EPHA6: variants seen among roughly 807,000 people sequenced by gnomAD.
EPHA6 encodes ephrin type-A receptor 6.
Under a neutral mutation model 112.0 loss-of-function variants are expected in EPHA6, and 50 were observed. The ratio of observed to expected loss-of-function variants is 0.45; its 90% confidence interval spans 0.36 to 0.56. The LOEUF (loss-of-function observed/expected upper bound fraction) is 0.56, where lower values mean the gene tolerates loss of function less well. Among genes scored for constraint, EPHA6 ranks in the 20% least tolerant of loss-of-function variants. The pLI, the probability that EPHA6 is intolerant of heterozygous loss-of-function variation, is 0.00. For synonymous variants in EPHA6, 529 were observed against 490.7 expected (o/e 1.08, Z -1.03); for missense variants, 1,280 against 1,417.4 (o/e 0.90, Z 1.56).
chr3:97,689,933 T>G (rs1427152586), intron 14 of EPHA6, among the ~76,000 whole-genome samples: 1 of 152,216 alleles, frequency 6.6e-6, no homozygotes, highest in Non-Finnish European at 1.5e-5. Flanking sequence ...GTTTTCAAAG[T>G]TTGTCTGTAT....
At chr3:97,319,494 C>A (rs959815337) in intron 5 of EPHA6, among the ~76,000 whole-genome samples, 1 of 150,842 alleles carries the variant, frequency 6.6e-6, no homozygotes, top group Non-Finnish European at 1.5e-5. Flanking sequence ...ATGGTGAAAA[C>A]CCATCTCTAC....
At chr3:97,029,404 G>A (rs1341122573) in intron 3 of EPHA6, among the ~76,000 whole-genome samples, 1 of 151,506 alleles carries the variant, frequency 6.6e-6, no homozygotes, top group Non-Finnish European at 1.5e-5. Context: ...AGATAAATGA[G>A]GAAAAGGCCT....
intron 11 of EPHA6, among the ~76,000 whole-genome samples, chr3:97,558,033 T>G (rs2093137547): frequency 6.6e-6 from 1 of 151,990 alleles, no homozygotes; most frequent in South Asian, 2.1e-4. Context: ...GAGGGTTCCC[T>G]AAGCACAGGG....
intron 11 of EPHA6, among the ~76,000 whole-genome samples, chr3:97,591,077 T>TC (rs1343278524): frequency 6.6e-6 from 1 of 152,198 alleles, no homozygotes; most frequent in Non-Finnish European, 1.5e-5. Flanking sequence ...TTTAAGGGAC[T>TC]CCAGCTCTTC....
chr3:96,959,908 A>T (rs2041897628), intron 2 of EPHA6, among the ~76,000 whole-genome samples: 1 of 152,050 alleles, frequency 6.6e-6, no homozygotes, highest in Non-Finnish European at 1.5e-5. Context: ...TAGAATTGGG[A>T]TGAGTAGAGA....
intron 14 of EPHA6, among the ~76,000 whole-genome samples, chr3:97,656,877 G>A (rs149899041): frequency 3.9e-5 from 6 of 151,940 alleles, no homozygotes; most frequent in Admixed American, 3.9e-4. Context: ...ACTGTACCTA[G>A]TTTTGCTTCT....
At chr3:96,870,912 ATAG>A (rs1164467775) in intron 2 of EPHA6, among the ~76,000 whole-genome samples, 5 of 152,056 alleles carry the variant, frequency 3.3e-5, no homozygotes, top group Non-Finnish European at 2.9e-5. Context: ...GTAATTCATC[ATAG>A]TAGAAGATTT....
chr3:97,716,492 C>T (rs1381737289), intron 14 of EPHA6, among the ~76,000 whole-genome samples: 3 of 136,688 alleles, frequency 2.2e-5, no homozygotes, highest in South Asian at 2.3e-4. Flanking sequence ...GGCGTGAACC[C>T]GGGAAGCGGA....
chr3:97,108,066 C>A (rs921743598), intron 3 of EPHA6, among the ~76,000 whole-genome samples: 2 of 152,030 alleles, frequency 1.3e-5, no homozygotes, highest in African/African-American at 4.8e-5. Context: ...AGCAGGATAC[C>A]TTTTCTTATC....
rs2035922386 is a variant in EPHA6, at chr3:97,752,303, T to C, written c.*3602T>C. The C allele has an allele frequency of 4.5e-6, 1 of 223,952 alleles. No individual in the cohort carries two copies. The highest frequency in any genetic ancestry group is 1.8e-4 in the South Asian group (1 of 5,460). 13.9% of individuals were successfully genotyped at this position (223,952 alleles called of 1,614,324 possible). On this transcript the variant is annotated 3_prime_UTR_variant, in exon 18 of 18. Coordinates refer to ENST00000389672, the MANE Select transcript of EPHA6 (RefSeq NM_001080448.3). ...GAAGAGACGGTAAAGAATGAATTCT[T>C]TTACTTATCACCCAACCACATTTCT...
intron 11 of EPHA6, among the ~76,000 whole-genome samples, chr3:97,542,184 T>A (rs143410655): frequency 0.01 from 1,589 of 152,130 alleles, 29 homozygotes; most frequent in African/African-American, 0.036. Context: ...GTTGGTGTGC[T>A]GCACCCATTA....
chr3:97,508,700 C>T (rs2092304289), intron 10 of EPHA6, among the ~76,000 whole-genome samples: 1 of 152,056 alleles, frequency 6.6e-6, no homozygotes, highest in African/African-American at 2.4e-5. Flanking sequence ...GAGTTCAAGT[C>T]CTGAATATCC....
chr3:97,447,705 C>T (rs1407248389), intron 6 of EPHA6: 14 of 976,912 alleles, frequency 1.4e-5, no homozygotes, highest in African/African-American at 1.7e-5. Context: ...TGTAACAAAC[C>T]CTGACTGTCT....
At chr3:97,530,487 G>A (rs1005968716) in intron 10 of EPHA6, among the ~76,000 whole-genome samples, 2 of 151,202 alleles carry the variant, frequency 1.3e-5, no homozygotes, top group Non-Finnish European at 2.9e-5. Flanking sequence ...CTTTGACATG[G>A]TATTACCTAA....
At chr3:97,015,129 T>C (rs1186078100) in intron 3 of EPHA6, among the ~76,000 whole-genome samples, 3 of 152,104 alleles carry the variant, frequency 2.0e-5, no homozygotes, top group Non-Finnish European at 2.9e-5. Context: ...TCCCTTGTCA[T>C]AGAAAATTGT....
intron 1 of EPHA6, among the ~76,000 whole-genome samples, chr3:96,841,601 G>A (rs1004141291): frequency 1.3e-5 from 2 of 151,978 alleles, no homozygotes; most frequent in African/African-American, 4.8e-5. Context: ...ATGACCAGCA[G>A]CAGTCAGATT....
chr3:97,534,876 C>G (rs2092742196), intron 11 of EPHA6, among the ~76,000 whole-genome samples: 2 of 151,990 alleles, frequency 1.3e-5, no homozygotes, highest in Non-Finnish European at 2.9e-5. Context: ...ACAATTTAAG[C>G]ATGATGTTGA....
intron 3 of EPHA6, among the ~76,000 whole-genome samples, chr3:97,005,349 T>C (rs1271518424): frequency 1.3e-5 from 2 of 152,186 alleles, no homozygotes; most frequent in African/African-American, 4.8e-5. Flanking sequence ...GTTAGCTGTA[T>C]TCCTAGGTAT....
intron 7 of EPHA6, among the ~76,000 whole-genome samples, chr3:97,455,952 T>C (rs1365527235): frequency 1.3e-5 from 2 of 152,038 alleles, no homozygotes; most frequent in African/African-American, 4.8e-5. Context: ...ATTGAAGACC[T>C]TAATATGAAA....
Sources: gnomAD v4.1 joint callset for allele counts (sites outside exome capture counted in the v4.1 genomes callset) on GRCh38, gnomAD v4.1.1 for gene constraint, MANE v1.5 for transcripts, NCBI Gene and HGNC (gene_info 2026-07-23, HGNC 2026-07-21) for gene names.